The following PPP3R1 variants were observed in gnomAD, a reference collection of about 807,000 sequenced individuals.
The protein encoded by PPP3R1 is protein phosphatase 3 regulatory subunit B, alpha.
In PPP3R1, 5 loss-of-function variants were observed where a neutral mutation model predicts 22.6. The observed-to-expected ratio is 0.22, with a 90% CI of 0.12 to 0.46. PPP3R1 has a LOEUF of 0.46. Among genes scored for constraint, PPP3R1 ranks in the 20% least tolerant of loss-of-function variants. PPP3R1 has a pLI of 0.99. For synonymous variants in PPP3R1, 56 were observed against 65.2 expected (o/e 0.86, Z 0.68); for missense variants, 61 against 203.2 (o/e 0.30, Z 4.25).
chr2:68,181,021 C>T lies in PPP3R1; in HGVS notation c.466-11G>A, dbSNP rs756321770. 1 of 1,611,484 alleles carries T rather than the reference C, an allele frequency of 6.2e-7. No homozygotes were observed. Among genetic ancestry groups the T allele is most frequent in the Non-Finnish European group, 8.5e-7 (1 of 1,177,700 alleles). On this transcript the variant is annotated splice_polypyrimidine_tract_variant and intron_variant, in intron 5 of 5. Transcript: ENST00000234310. ...TAGGCCACCTACAACCTGCAACAGA[C>T]AGGAACAAATCAAGCTTCACAGTGT...
At chr2:68,203,977 T>G (rs1675050596) in intron 2 of PPP3R1, among the ~76,000 whole-genome samples, 1 of 152,136 alleles carries the variant, frequency 6.6e-6, no homozygotes, top group African/African-American at 2.4e-5. Flanking sequence ...TTCACCTACA[T>G]TTAGTCTACA....
At chr2:68,181,143 A>G in intron 5 of PPP3R1, 133 bp from the exon 6 acceptor site, 2 of 807,338 alleles carry the variant, frequency 2.5e-6, no homozygotes, top group Non-Finnish European at 4.1e-6. Flanking sequence ...TAATCCCAGC[A>G]CTTTGGAAGG....
chr2:68,180,783 TTGA>T lies in PPP3R1; in HGVS notation c.*177_*179del. ...GACTTTAAAGTGCTACACTGAGTTA[TTGA>T]GAGAATTACAGTTCAATAACACTTA... is the stretch of plus-strand genomic sequence containing the variant. On this transcript the variant is annotated 3_prime_UTR_variant, in exon 6 of 6. Coordinates refer to ENST00000234310, the MANE Select transcript of PPP3R1 (RefSeq NM_000945.4). 1 of 616,244 alleles carries T rather than the reference TTGA, an allele frequency of 1.6e-6. No homozygotes were observed. Among genetic ancestry groups the T allele is most frequent in the East Asian group, 2.8e-5 (1 of 35,570 alleles). The allele number at this position is 616,244 out of a possible 1,614,324, so 38.2% of individuals were successfully genotyped here.
chr2:68,207,531 T>C (rs2103756006), intron 2 of PPP3R1, among the ~76,000 whole-genome samples: 1 of 152,360 alleles, frequency 6.6e-6, no homozygotes, highest in East Asian at 1.9e-4. Flanking sequence ...AACATCTATC[T>C]GCCTTTTGCC....
At chr2:68,250,797 T>C (rs1670332103) in intron 1 of PPP3R1, among the ~76,000 whole-genome samples, 1 of 151,750 alleles carries the variant, frequency 6.6e-6, no homozygotes, top group Non-Finnish European at 1.5e-5. Context: ...TTGCCCTATA[T>C]TTTAAATAAA....
chr2:68,191,439 A>G (rs1674666820), intron 2 of PPP3R1, among the ~76,000 whole-genome samples: 1 of 152,232 alleles, frequency 6.6e-6, no homozygotes, highest in African/African-American at 2.4e-5. Context: ...GTACACCTGT[A>G]TAGGGCATTT....
intron 5 of PPP3R1, among the ~76,000 whole-genome samples, chr2:68,184,328 T>A (rs367887204): frequency 2.2e-4 from 34 of 152,356 alleles, no homozygotes; most frequent in Middle Eastern, 6.8e-3. Flanking sequence ...TCCAAGCTGA[T>A]AAAGCTTAGA....
intron 1 of PPP3R1, among the ~76,000 whole-genome samples, chr2:68,227,458 A>G (rs1669804511): frequency 1.3e-5 from 2 of 152,062 alleles, no homozygotes; most frequent in Non-Finnish European, 2.9e-5. Flanking sequence ...ATTCTTAAAT[A>G]CAAAGCAAAA....
intron 3 of PPP3R1, among the ~76,000 whole-genome samples, chr2:68,187,738 GATC>G (rs1457316381): frequency 6.6e-6 from 1 of 152,106 alleles, no homozygotes; most frequent in African/African-American, 2.4e-5. Context: ...CATGACAAAT[GATC>G]ATTTTTCTTC....
chr2:68,238,908 C>T (rs1230407622), intron 1 of PPP3R1, among the ~76,000 whole-genome samples: 3 of 151,992 alleles, frequency 2.0e-5, no homozygotes, highest in Non-Finnish European at 2.9e-5. Flanking sequence ...AAATTCAGTC[C>T]GGAACAGACA....
At chr2:68,205,815 T>C (rs543009927) in intron 2 of PPP3R1, among the ~76,000 whole-genome samples, 1 of 151,918 alleles carries the variant, frequency 6.6e-6, no homozygotes, top group Non-Finnish European at 1.5e-5. Flanking sequence ...AAGGTGATTG[T>C]GTAGGCTCTT....
intron 5 of PPP3R1, among the ~76,000 whole-genome samples, chr2:68,185,530 C>T (rs1216494355): frequency 1.4e-5 from 2 of 146,910 alleles, no homozygotes; most frequent in African/African-American, 2.5e-5. Context: ...TATATATCTC[C>T]CCTCTTCCAA....
intron 2 of PPP3R1, among the ~76,000 whole-genome samples, chr2:68,197,423 G>A (rs987307497): frequency 6.6e-6 from 1 of 152,086 alleles, no homozygotes; most frequent in African/African-American, 2.4e-5. Flanking sequence ...ATTTGTTTAT[G>A]CATTCATCTG....
chr2:68,242,152 G>A (rs1268474606), intron 1 of PPP3R1, among the ~76,000 whole-genome samples: 2 of 152,192 alleles, frequency 1.3e-5, no homozygotes, highest in Admixed American at 6.5e-5. Flanking sequence ...AAATGCACCA[G>A]GCGCGGTGGC....
At chr2:68,217,155 T>C (rs777384297) in intron 1 of PPP3R1, 24 bp from the exon 2 acceptor site, 8 of 1,553,136 alleles carry the variant, frequency 5.2e-6, no homozygotes, top group Non-Finnish European at 1.8e-6. Flanking sequence ...AAGAAATAAT[T>C]AGTCATAAAA....
At chr2:68,200,585 A>C (rs1472037822) in intron 2 of PPP3R1, among the ~76,000 whole-genome samples, 2 of 152,214 alleles carry the variant, frequency 1.3e-5, no homozygotes, top group Non-Finnish European at 2.9e-5. Context: ...GGAGTGAGGT[A>C]AGCTGCTCGA....
intron 1 of PPP3R1, among the ~76,000 whole-genome samples, chr2:68,243,365 A>G (rs576191177): frequency 3.3e-5 from 5 of 152,210 alleles, no homozygotes; most frequent in Non-Finnish European, 5.9e-5. Context: ...GATGTTGACC[A>G]TAAGTTTCCT....
intron 1 of PPP3R1, among the ~76,000 whole-genome samples, chr2:68,245,527 T>A (rs1558645586): frequency 6.6e-6 from 1 of 152,262 alleles, no homozygotes; most frequent in Non-Finnish European, 1.5e-5. Flanking sequence ...TTCCTGGTTT[T>A]ATTTGTAATG....
At chr2:68,191,538 T>C (rs1416429061) in intron 2 of PPP3R1, among the ~76,000 whole-genome samples, 1 of 152,210 alleles carries the variant, frequency 6.6e-6, no homozygotes, top group Non-Finnish European at 1.5e-5. Context: ...GATATTACTG[T>C]AGACTTTATA....
Sources: allele counts gnomAD v4.1 joint callset (sites outside exome capture counted in the v4.1 genomes callset), GRCh38; gene constraint gnomAD v4.1.1; transcripts MANE v1.5; gene names NCBI Gene and HGNC (gene_info 2026-07-23, HGNC 2026-07-21).